KDELR2: variants seen among roughly 807,000 people sequenced by gnomAD.
The protein encoded by KDELR2 is KDEL endoplasmic reticulum protein retention receptor 2.
Under a neutral mutation model 23.9 loss-of-function variants are expected in KDELR2, and 15 were observed. The ratio of observed to expected loss-of-function variants is 0.63; its 90% confidence interval spans 0.42 to 0.97. The LOEUF (loss-of-function observed/expected upper bound fraction) is 0.97. Among genes scored for constraint, KDELR2 ranks in the 50% least tolerant of loss-of-function variants. The pLI is 0.00. For synonymous variants in KDELR2, 119 were observed against 106.2 expected (o/e 1.12, Z -0.74); for missense variants, 272 against 254.6 (o/e 1.07, Z -0.46).
At position 6,461,607 on chromosome 7, in the gene KDELR2, A is replaced by T. The variant is rs562728427; in HGVS notation, c.*1534T>A. 1.3e-5 allele frequency: 2 copies of T among 151,778 alleles called. No individual in the cohort carries two copies. Among genetic ancestry groups the T allele is most frequent in the Non-Finnish European group, 2.9e-5 (2 of 68,022 alleles). 9.4% of individuals were successfully genotyped at this position (151,778 alleles called of 1,614,324 possible). ...GAGGGAAGAGTAAAATGAGGGAGAC[A>T]GACAGGAAGTTAAACTATGCAGTTA... On this transcript the variant is annotated 3_prime_UTR_variant, in exon 5 of 5. Coordinates refer to ENST00000258739, the MANE Select transcript of KDELR2 (RefSeq NM_006854.4).
At chr7:6,479,608 C>T (rs1396066818) in intron 1 of KDELR2, among the ~76,000 whole-genome samples, 4 of 152,172 alleles carry the variant, frequency 2.6e-5, no homozygotes, top group African/African-American at 9.7e-5. Flanking sequence ...TCCCAAGTAG[C>T]TGGGACTACA....
chr7:6,466,379 G>T (rs910546329), intron 3 of KDELR2, 56 bp from the exon 4 acceptor site: 1 of 1,590,030 alleles, frequency 6.3e-7, no homozygotes, highest in African/African-American at 1.3e-5. Context: ...GGAGCTCAGA[G>T]GAAACACTCT....
In KDELR2 at chr7:6,474,189, T is replaced by G; in HGVS notation, c.187A>C (p.Met63Leu). Residue 63 changes from methionine to leucine, a missense_variant, in exon 2 of 5, where the codon ATG becomes CTG. Coordinates refer to ENST00000258739, the MANE Select transcript of KDELR2 (RefSeq NM_006854.4). ...TSFISLYNTS[M>L]KVIYLACSYA... ...CTGTGGATGGCATACCATACCTTCA[T>G]AGATGTGTTATACAATGAAATAAAT... 6.3e-6 allele frequency: 10 copies of G among 1,594,344 alleles called. No individual in the cohort carries two copies. The highest frequency in any genetic ancestry group is 8.6e-6 in the Non-Finnish European group (10 of 1,161,928).
At chr7:6,478,482 C>A (rs866538675) in intron 1 of KDELR2, among the ~76,000 whole-genome samples, 1 of 152,120 alleles carries the variant, frequency 6.6e-6, no homozygotes, top group African/African-American at 2.4e-5. Flanking sequence ...GACTAAGCAT[C>A]CTTTCATGCT....
At chr7:6,483,544 T>C (rs1320821654) in intron 1 of KDELR2, among the ~76,000 whole-genome samples, 1 of 152,204 alleles carries the variant, frequency 6.6e-6, no homozygotes, top group East Asian at 1.9e-4. Context: ...ATCCTGCCCA[T>C]CCTCCTCCCG....
chr7:6,464,126 G>A (rs1273394987), intron 4 of KDELR2, among the ~76,000 whole-genome samples: 2 of 141,468 alleles, frequency 1.4e-5, no homozygotes, highest in East Asian at 4.4e-4. Flanking sequence ...GAACACAGGA[G>A]GTGGAGGTTG....
intron 3 of KDELR2, among the ~76,000 whole-genome samples, chr7:6,469,137 A>G (rs768659767): frequency 6.6e-5 from 10 of 150,480 alleles, no homozygotes; most frequent in Non-Finnish European, 1.0e-4. Context: ...ATTTTTTAGT[A>G]CAGACGGGGT....
intron 1 of KDELR2, among the ~76,000 whole-genome samples, chr7:6,482,188 G>A (rs950107810): frequency 6.6e-6 from 1 of 152,034 alleles, no homozygotes; most frequent in Non-Finnish European, 1.5e-5. Context: ...TTTTAGTAGA[G>A]ACGGGGTTTC....
chr7:6,471,933 GCT>G (rs1313737213), intron 2 of KDELR2, among the ~76,000 whole-genome samples: 2 of 149,080 alleles, frequency 1.3e-5, no homozygotes, highest in Non-Finnish European at 3.0e-5. Flanking sequence ...ACGGAGCCTT[GCT>G]CTGTCACCAG....
rs767483500 is a variant in KDELR2, at chr7:6,466,143, G to A, written c.532C>T (p.Leu178Phe). Residue 178 changes from leucine to phenylalanine, a missense_variant, in exon 4 of 5, where the codon CTC (leucine) becomes TTC (phenylalanine). Coordinates refer to ENST00000258739, the MANE Select transcript of KDELR2 (RefSeq NM_006854.4). ...WRFYFEGFFD[L>F]IAVVAGVVQT... Reference sequence around the variant, plus strand: ...ACTACGCCGGCCACCACAGCAATGAGGTCAAAGAAGCCCTCAAAGTAGAAG... The same window carrying A: ...ACTACGCCGGCCACCACAGCAATGAAGTCAAAGAAGCCCTCAAAGTAGAAG... 1.2e-6 allele frequency: 2 copies of A among 1,614,168 alleles called. No homozygotes were observed. The highest frequency in any genetic ancestry group is 1.3e-5 in the African/African-American group (1 of 75,024).
chr7:6,474,412 C>T (rs1785713968), intron 1 of KDELR2, 128 bp from the exon 2 acceptor site: 6 of 638,166 alleles, frequency 9.4e-6, no homozygotes, highest in Admixed American at 2.7e-5. Context: ...CTAGGGATGG[C>T]TCTGAATGAA....
chr7:6,471,523 C>T (rs759961363), intron 2 of KDELR2, among the ~76,000 whole-genome samples: 2 of 151,970 alleles, frequency 1.3e-5, no homozygotes, highest in African/African-American at 2.4e-5. Flanking sequence ...TTTTGGGGAC[C>T]GGAAATATGC....
chr7:6,479,638 G>A (rs1228633205), intron 1 of KDELR2, among the ~76,000 whole-genome samples: 3 of 151,964 alleles, frequency 2.0e-5, no homozygotes, highest in East Asian at 3.9e-4. Context: ...CACCATGCCC[G>A]GCTAATTTTT....
At chr7:6,469,529 C>G (rs1221002606) in intron 3 of KDELR2, 67 bp downstream of exon 3, 10 of 1,504,212 alleles carry the variant, frequency 6.6e-6, no homozygotes, top group Non-Finnish European at 7.2e-6. Context: ...CCGCCTCGGC[C>G]TCCCAAAATG....
intron 4 of KDELR2, 145 bp downstream of exon 4, chr7:6,465,926 C>A: frequency 1.2e-6 from 1 of 832,826 alleles, no homozygotes; most frequent in Non-Finnish European, 1.9e-6. Context: ...AGACAACATC[C>A]TGATCCAGAA....
At chr7:6,470,408 G>C (rs1405619968) in intron 2 of KDELR2, 1 of 152,196 alleles carries the variant, frequency 6.6e-6, no homozygotes, top group Non-Finnish European at 1.5e-5. Context: ...CCTAGTGTGA[G>C]TGGGTGTGGG....
chr7:6,470,780 GATAA>G (rs1785616297), intron 2 of KDELR2, among the ~76,000 whole-genome samples: 1 of 152,046 alleles, frequency 6.6e-6, no homozygotes, highest in Admixed American at 6.6e-5. Context: ...CCAAAAACTG[GATAA>G]ATAATTATGT....
At position 6,462,860 on chromosome 7, in the gene KDELR2, A is replaced by G; in HGVS notation, c.*281T>C. On this transcript the variant is annotated 3_prime_UTR_variant, in exon 5 of 5. Transcript: ENST00000258739. Reference sequence around the variant, plus strand: ...TCCTCACAAAATCTTCACTTTTGGAACTATCCCAATTGAAGCTACACACTG... The same window carrying G: ...TCCTCACAAAATCTTCACTTTTGGAGCTATCCCAATTGAAGCTACACACTG... 1.0e-6 allele frequency: 1 copy of G among 985,190 alleles called. No homozygotes were observed. The highest frequency in any genetic ancestry group is 2.7e-5 in the East Asian group (1 of 36,436). 61.0% of individuals were successfully genotyped at this position (985,190 alleles called of 1,614,324 possible).
intron 2 of KDELR2, among the ~76,000 whole-genome samples, chr7:6,473,782 C>T (rs1185848527): frequency 8.5e-5 from 13 of 152,182 alleles, no homozygotes; most frequent in Non-Finnish European, 1.5e-5. Context: ...GACACTGCAA[C>T]TAGGAGTCCT....
Sources: gnomAD v4.1 joint callset for allele counts (sites outside exome capture counted in the v4.1 genomes callset) on GRCh38, gnomAD v4.1.1 for gene constraint, MANE v1.5 for transcripts, NCBI Gene and HGNC (gene_info 2026-07-23, HGNC 2026-07-21) for gene names.